MAP4K4: variants seen among roughly 807,000 people sequenced by gnomAD.
MAP4K4 encodes HPK/GCK-like kinase HGK.
A neutral mutation model predicts 189.6 loss-of-function variants in MAP4K4; 38 were observed. The ratio of observed to expected loss-of-function variants is 0.20; its 90% CI spans 0.15 to 0.26. MAP4K4 has a LOEUF of 0.26. Ranked by LOEUF, MAP4K4 falls within the 10% of genes least tolerant of loss-of-function variation. The probability of loss-of-function intolerance (pLI) is 1.00; values close to 1 mark genes in which losing one functional copy is unlikely to be tolerated. For synonymous variants in MAP4K4, 610 were observed against 624.3 expected, an observed-to-expected ratio of 0.98 and a Z score of 0.34; for missense variants, 1,054 against 1,726.9, an observed-to-expected ratio of 0.61 and a Z score of 6.91.
exon 33 of MAP4K4, chr2:101,893,703 G>C (rs2098597181): frequency 6.5e-6 from 1 of 153,632 alleles, no homozygotes; most frequent in African/African-American, 2.4e-5. Context: ...ATGTCTGTAA[G>C]TCAAATGTTA....
At chr2:101,873,965 C>T in intron 25 of MAP4K4, 117 bp from the exon 26 acceptor site, 2 of 938,484 alleles carry the variant, frequency 2.1e-6, no homozygotes. Context: ...CAGATTTCTT[C>T]TCTTTGACAA....
intron 27 of MAP4K4, among the ~76,000 whole-genome samples, chr2:101,879,084 A>G (rs1253512037): frequency 6.6e-6 from 1 of 151,634 alleles, no homozygotes; most frequent in African/African-American, 2.4e-5. Flanking sequence ...AATCCCAGCA[A>G]TCTGAGAGGC....
exon 19 of MAP4K4, chr2:101,866,578 A>T: frequency 1.2e-6 from 2 of 1,611,638 alleles, no homozygotes; most frequent in Non-Finnish European, 1.7e-6. Flanking sequence ...TCAGAGTGAG[A>T]TGTAAGCTGC....
intron 12 of MAP4K4, among the ~76,000 whole-genome samples, chr2:101,853,778 C>T (rs2097358701): frequency 6.6e-6 from 1 of 151,902 alleles, no homozygotes; most frequent in Non-Finnish European, 1.5e-5. Context: ...AAAGAGGATC[C>T]TAGAAGCTGA....
At chr2:101,756,844 G>A (rs1558758562) in intron 2 of MAP4K4, among the ~76,000 whole-genome samples, 1 of 151,546 alleles carries the variant, frequency 6.6e-6, no homozygotes, top group Non-Finnish European at 1.5e-5. Context: ...TAGGATTATA[G>A]GCGTGAGCTG....
intron 8 of MAP4K4, 125 bp from the exon 9 acceptor site, chr2:101,835,775 G>C: frequency 1.6e-6 from 1 of 629,548 alleles, no homozygotes; most frequent in South Asian, 1.9e-5. Context: ...TGTCTAGACT[G>C]CTTGGTATGA....
chr2:101,882,669 T>C (rs1340319740), exon 28 of MAP4K4: 1 of 1,594,790 alleles, frequency 6.3e-7, no homozygotes, highest in Non-Finnish European at 8.5e-7. Flanking sequence ...TGGAAGGATG[T>C]GTACATTATA....
chr2:101,752,074 A>G (rs973149648), intron 2 of MAP4K4, among the ~76,000 whole-genome samples: 1 of 152,196 alleles, frequency 6.6e-6, no homozygotes, highest in African/African-American at 2.4e-5. Context: ...GGGGGAGAGC[A>G]GTGCTTTCCA....
At position 101,810,172 on chromosome 2, in the gene MAP4K4, C is replaced by T. The variant is rs370573078; in HGVS notation, c.181-13756C>T. Reference sequence around the variant, plus strand: ...ACAGGAGGGAACCCTTTGGCTAAACCATTGGGGTGAATTTGGTTTGAATCA... The same window carrying T: ...ACAGGAGGGAACCCTTTGGCTAAACTATTGGGGTGAATTTGGTTTGAATCA... On this transcript the variant is annotated intron_variant, in intron 3 of 32. Transcript: ENST00000324219. Among the ~76,000 whole-genome samples, 201 of 152,228 alleles carry T rather than the reference C, an allele frequency of 1.3e-3. 1 individual carries two copies. The highest frequency in any genetic ancestry group is 4.5e-3 in the African/African-American group (188 of 41,542).
chr2:101,703,429 C>T (rs2040161772), intron 2 of MAP4K4, among the ~76,000 whole-genome samples: 1 of 151,854 alleles, frequency 6.6e-6, no homozygotes, highest in Non-Finnish European at 1.5e-5. Flanking sequence ...ACCAGCCTAG[C>T]CAACATGGCA....
chr2:101,698,130 C>G, exon 1 of MAP4K4: 1 of 1,252,076 alleles, frequency 8.0e-7, no homozygotes, highest in Non-Finnish European at 1.0e-6. Context: ...GACCTCTCCT[C>G]CCTGCGGGTG....
intron 2 of MAP4K4, among the ~76,000 whole-genome samples, chr2:101,707,853 G>A (rs982313477): frequency 1.0e-4 from 7 of 67,940 alleles, no homozygotes; most frequent in Non-Finnish European, 1.9e-4. Flanking sequence ...ACCACGCCTG[G>A]CTAATTTTTT....
intron 2 of MAP4K4, among the ~76,000 whole-genome samples, chr2:101,762,857 G>C (rs989717033): frequency 3.3e-5 from 5 of 152,190 alleles, no homozygotes; most frequent in African/African-American, 1.2e-4. Context: ...ATTATGGAAA[G>C]CAATAGTCTG....
At chr2:101,851,724 CTTTT>C (rs36217584) in intron 12 of MAP4K4, among the ~76,000 whole-genome samples, 2 of 67,900 alleles carry the variant, frequency 2.9e-5, no homozygotes, top group African/African-American at 7.6e-5. Context: ...TAACTGTCCT[CTTTT>C]TTTTTTTTTT....
intron 3 of MAP4K4, among the ~76,000 whole-genome samples, chr2:101,812,380 C>A (rs2095482610): frequency 6.6e-6 from 1 of 152,226 alleles, no homozygotes; most frequent in African/African-American, 2.4e-5. Flanking sequence ...CGGAGGACAT[C>A]AGCAGTGTCT....
chr2:101,737,757 T>C (rs1456459482), intron 2 of MAP4K4, among the ~76,000 whole-genome samples: 1 of 151,970 alleles, frequency 6.6e-6, no homozygotes, highest in Non-Finnish European at 1.5e-5. Flanking sequence ...AAAAACCCTG[T>C]CAATTTCTGG....
intron 2 of MAP4K4, among the ~76,000 whole-genome samples, chr2:101,745,328 ACC>A (rs1210718503): frequency 0.013 from 736 of 54,860 alleles, 44 homozygotes; most frequent in African/African-American, 0.055. Context: ...TGAAAATATC[ACC>A]CCCCCCCCCC....
chr2:101,722,044 C>T (rs1203411561), intron 2 of MAP4K4, among the ~76,000 whole-genome samples: 1 of 152,064 alleles, frequency 6.6e-6, no homozygotes, highest in African/African-American at 2.4e-5. Context: ...CCTTGGTTTA[C>T]AATAGAGGAA....
In MAP4K4 at chr2:101,885,359, T is replaced by G. The variant is rs151169211; in HGVS notation, c.3621+72T>G. 231 of 873,660 alleles carry G rather than the reference T, an allele frequency of 2.6e-4. 1 individual carries two copies. The African/African-American group carries it at 3.6e-3, about 14-fold the overall frequency. The allele number at this position is 873,660 out of a possible 1,614,324, so 54.1% of individuals were successfully genotyped here. On this transcript the variant is annotated intron_variant, in intron 29 of 32. Transcript: ENST00000324219. ...GCAACCAAGAGTCAGGGAATATGTT[T>G]AAAAAGTCTGAATGTTAAAATTGCT... is the stretch of plus-strand genomic sequence containing the variant.
Sources: allele counts gnomAD v4.1 joint callset (sites outside exome capture counted in the v4.1 genomes callset), GRCh38; gene constraint gnomAD v4.1.1; transcripts MANE v1.5; gene names NCBI Gene and HGNC (gene_info 2026-07-23, HGNC 2026-07-21).